USH2A: variants seen among roughly 807,000 people sequenced by gnomAD.
The protein encoded by USH2A is usherin, also known as Usher syndrome 2A (autosomal recessive, mild).
Under a neutral mutation model 538.9 loss-of-function variants are expected in USH2A, and 443 were observed. The ratio of observed to expected loss-of-function variants is 0.82; its 90% CI spans 0.76 to 0.89. The LOEUF is 0.89. Ranked by LOEUF, USH2A falls within the 40% of genes least tolerant of loss-of-function variation. USH2A has a pLI of 0.00. For synonymous variants in USH2A, 2,413 were observed against 2,273.5 expected (o/e 1.06, Z -1.75); for missense variants, 6,633 against 6,324.8 (o/e 1.05, Z -1.65).
At chr1:216,334,249 C>T (rs895365522) in intron 4 of USH2A, among the ~76,000 whole-genome samples, 1 of 151,830 alleles carries the variant, frequency 6.6e-6, no homozygotes, top group Non-Finnish European at 1.5e-5. Flanking sequence ...ATTTTGCATA[C>T]TCTTAAAATT....
At chr1:215,714,614 G>A (rs753101235) in intron 61 of USH2A, among the ~76,000 whole-genome samples, 1 of 152,032 alleles carries the variant, frequency 6.6e-6, no homozygotes, top group Non-Finnish European at 1.5e-5. Flanking sequence ...CTCCCTTTGG[G>A]GAAATGGAGA....
intron 60 of USH2A, among the ~76,000 whole-genome samples, chr1:215,731,639 T>G (rs1340610522): frequency 6.6e-6 from 1 of 152,216 alleles, no homozygotes; most frequent in Admixed American, 6.5e-5. Context: ...AGGAACCATA[T>G]ATTTTTAAAG....
chr1:215,659,286 A>G (rs1445346626), intron 64 of USH2A, among the ~76,000 whole-genome samples: 1 of 152,204 alleles, frequency 6.6e-6, no homozygotes, highest in East Asian at 1.9e-4. Flanking sequence ...AGAGCATTCT[A>G]TGGAAAAGAA....
At chr1:215,684,689 C>T (rs1658351219) in intron 61 of USH2A, among the ~76,000 whole-genome samples, 1 of 152,188 alleles carries the variant, frequency 6.6e-6, no homozygotes, top group Non-Finnish European at 1.5e-5. Context: ...AAGGGTTAAT[C>T]TTCCTGGTCA....
At chr1:215,833,418 A>T (rs1663380402) in intron 47 of USH2A, among the ~76,000 whole-genome samples, 1 of 151,990 alleles carries the variant, frequency 6.6e-6, no homozygotes, top group African/African-American at 2.4e-5. Flanking sequence ...TTGATTTTTG[A>T]CAAAAATCTA....
At chr1:215,738,681 G>C (rs1336611259) in intron 60 of USH2A, among the ~76,000 whole-genome samples, 1 of 152,162 alleles carries the variant, frequency 6.6e-6, no homozygotes. Context: ...GGTGAGAAGA[G>C]AGTGGCAAAC....
At chr1:216,143,023 A>T (rs533865028) in intron 21 of USH2A, among the ~76,000 whole-genome samples, 49 of 152,162 alleles carry the variant, frequency 3.2e-4, no homozygotes, top group African/African-American at 1.1e-3. Context: ...TTTCCTCAAG[A>T]TTGAACATTC....
At chr1:216,013,618 C>T (rs1668631204) in intron 32 of USH2A, among the ~76,000 whole-genome samples, 1 of 152,056 alleles carries the variant, frequency 6.6e-6, no homozygotes, top group Admixed American at 6.6e-5. Context: ...TGTGAAATTC[C>T]TTCTCCTGGC....
intron 21 of USH2A, chr1:216,174,874 G>A: frequency 9.4e-7 from 1 of 1,064,928 alleles, no homozygotes; most frequent in Non-Finnish European, 1.1e-6. Context: ...CAGTAACGGG[G>A]TGCATACTGA....
At chr1:216,406,611 T>A (rs1170486990) in intron 3 of USH2A, among the ~76,000 whole-genome samples, 1 of 152,158 alleles carries the variant, frequency 6.6e-6, no homozygotes, top group African/African-American at 2.4e-5. Context: ...TCTTTAATAT[T>A]TATAAATGCA....
rs143713245 is a variant in USH2A, at chr1:215,777,554, A to G, written c.10939+2289T>C. 3.5e-3 allele frequency among the ~76,000 whole-genome samples: 537 copies of G among 152,326 alleles called. 10 individuals carry two copies. Among genetic ancestry groups the G allele is most frequent in the Middle Eastern group, 0.014 (4 of 294 alleles). On this transcript the variant is annotated intron_variant, in intron 55 of 71. Coordinates refer to ENST00000307340, the MANE Select transcript of USH2A (RefSeq NM_206933.4). ...CTTGCTTTTCAAAACCCTGTAATTA[A>G]CATCCCATTGCTTACTCCAAGTGAC...
chr1:216,193,674 C>G (rs1017491231), intron 19 of USH2A, among the ~76,000 whole-genome samples: 4 of 151,960 alleles, frequency 2.6e-5, no homozygotes, highest in Non-Finnish European at 5.9e-5. Flanking sequence ...GACAGAGACA[C>G]AGAGTAGGAC....
At chr1:215,864,823 T>C (rs1418638018) in intron 44 of USH2A, among the ~76,000 whole-genome samples, 1 of 152,062 alleles carries the variant, frequency 6.6e-6, no homozygotes, top group African/African-American at 2.4e-5. Context: ...AACTGGCCCT[T>C]CAAAAGTTTT....
chr1:216,112,974 A>G (rs1055734883), intron 21 of USH2A, among the ~76,000 whole-genome samples: 1 of 151,958 alleles, frequency 6.6e-6, no homozygotes, highest in South Asian at 2.1e-4. Flanking sequence ...TATACCCAGT[A>G]ATGGGATTGC....
intron 3 of USH2A, among the ~76,000 whole-genome samples, chr1:216,409,006 C>T (rs1337595083): frequency 6.6e-6 from 1 of 152,168 alleles, no homozygotes; most frequent in Non-Finnish European, 1.5e-5. Flanking sequence ...CTGTGGTTGA[C>T]TGTGGGTGAC....
intron 27 of USH2A, among the ~76,000 whole-genome samples, 192 bp downstream of exon 27, chr1:216,077,897 A>G (rs1033575787): frequency 6.6e-6 from 1 of 152,016 alleles, no homozygotes; most frequent in Non-Finnish European, 1.5e-5. Context: ...GCACATTGTT[A>G]AGGGTAACAC....
intron 32 of USH2A, among the ~76,000 whole-genome samples, chr1:216,026,431 A>G (rs374734124): frequency 6.6e-6 from 1 of 152,174 alleles, no homozygotes; most frequent in South Asian, 2.1e-4. Context: ...TGGCCAAACA[A>G]TACAGAGAAA....
intron 21 of USH2A, among the ~76,000 whole-genome samples, chr1:216,159,571 CAG>C (rs1553309029): frequency 1.4e-4 from 21 of 145,242 alleles, no homozygotes; most frequent in East Asian, 1.1e-3. Flanking sequence ...CACACACACA[CAG>C]AGAATATTAG....
chr1:215,798,633 T>C (rs1026453098), intron 50 of USH2A, among the ~76,000 whole-genome samples: 5 of 152,194 alleles, frequency 3.3e-5, no homozygotes, highest in African/African-American at 1.2e-4. Context: ...TTCTTTTCAT[T>C]CATAACCAAT....
Sources: gnomAD v4.1 joint callset for allele counts (sites outside exome capture counted in the v4.1 genomes callset) on GRCh38, gnomAD v4.1.1 for gene constraint, MANE v1.5 for transcripts, NCBI Gene and HGNC (gene_info 2026-07-23, HGNC 2026-07-21) for gene names.